The following CSMD1 variants were observed in gnomAD, a reference collection of about 807,000 sequenced individuals.
CSMD1 encodes the protein CUB and Sushi multiple domains 1.
CSMD1 carries 213 observed loss-of-function variants against 417.5 expected under a neutral mutation model. The observed-to-expected ratio is 0.51, with a 90% confidence interval of 0.46 to 0.57. The LOEUF is 0.57. Among genes scored for constraint, CSMD1 ranks in the 20% least tolerant of loss-of-function variants. The probability of loss-of-function intolerance (pLI) is 0.00; values close to 1 mark genes in which losing one functional copy is unlikely to be tolerated. For missense variants in CSMD1, 6,923 were observed against 4,529.7 expected (o/e 1.53, Z -15.17); for synonymous variants, 2,862 against 1,736.8 (o/e 1.65, Z -16.11).
Position 3,919,910 on chromosome 8 carries a change from T to G in CSMD1, c.818+77993A>C, listed in dbSNP as rs545938325. Among the ~76,000 whole-genome samples the G allele has an allele frequency of 5.9e-5, 9 of 152,310 alleles. No homozygotes were observed. In the South Asian group the frequency reaches 6.2e-4, roughly 11 times the overall value. On this transcript the variant is annotated intron_variant, in intron 5 of 69. Coordinates refer to ENST00000635120, the MANE Select transcript of CSMD1 (RefSeq NM_033225.6). ...AATGACATTCAAAATGAGATTTTTT[T>G]GGGAATTTCTTTATCAGATAATTTG...
At chr8:4,079,374 C>A (rs886580834) in intron 3 of CSMD1, among the ~76,000 whole-genome samples, 1 of 152,160 alleles carries the variant, frequency 6.6e-6, no homozygotes, top group Non-Finnish European at 1.5e-5. Flanking sequence ...AATCTGTAAT[C>A]AGGCATTCTA....
At chr8:4,003,888 G>T (rs1417666771) in intron 4 of CSMD1, among the ~76,000 whole-genome samples, 1 of 151,948 alleles carries the variant, frequency 6.6e-6, no homozygotes, top group Non-Finnish European at 1.5e-5. Context: ...GTTTGTTTTT[G>T]TTCCTCTTTC....
intron 4 of CSMD1, among the ~76,000 whole-genome samples, chr8:4,019,070 G>C (rs1176088010): frequency 2.0e-5 from 3 of 152,164 alleles, no homozygotes; most frequent in South Asian, 2.1e-4. Flanking sequence ...TACTCCATTT[G>C]CTAGAAATTG....
At chr8:4,574,246 G>A (rs1440465078) in intron 2 of CSMD1, among the ~76,000 whole-genome samples, 2 of 152,174 alleles carry the variant, frequency 1.3e-5, no homozygotes, top group Non-Finnish European at 1.5e-5. Context: ...CCAGGGCCCT[G>A]GTGGTGTAGG....
At chr8:3,726,236 C>G (rs1379075719) in intron 6 of CSMD1, among the ~76,000 whole-genome samples, 1 of 152,176 alleles carries the variant, frequency 6.6e-6, no homozygotes, top group African/African-American at 2.4e-5. Context: ...ACTGTAAACC[C>G]ATGAGAGGCT....
chr8:3,491,453 A>G (rs1296281639), intron 11 of CSMD1, among the ~76,000 whole-genome samples: 1 of 152,232 alleles, frequency 6.6e-6, no homozygotes, highest in Non-Finnish European at 1.5e-5. Flanking sequence ...AAAGTTAGCT[A>G]GGACATTACT....
Position 4,541,036 on chromosome 8 carries a change from T to C in CSMD1, c.302+96306A>G, listed in dbSNP as rs1797358656. Among the ~76,000 whole-genome samples, 4 of 152,316 alleles carry C rather than the reference T, an allele frequency of 2.6e-5. No homozygotes were observed. The South Asian group carries it at 8.3e-4, about 32-fold the overall frequency. ...ATGCCTCATTTTACTTAGCAAAATG[T>C]TTCACAAACTCGATTGTTAGAAACT... On this transcript the variant is annotated intron_variant, in intron 2 of 69. Coordinates refer to ENST00000635120, the MANE Select transcript of CSMD1 (RefSeq NM_033225.6).
chr8:4,520,472 TG>T (rs1803382267), intron 2 of CSMD1, among the ~76,000 whole-genome samples: 1 of 152,102 alleles, frequency 6.6e-6, no homozygotes, highest in Admixed American at 6.6e-5. Context: ...TAATAAGACA[TG>T]GGAAGATGAA....
chr8:3,845,219 C>A (rs745356462), intron 5 of CSMD1, among the ~76,000 whole-genome samples: 3 of 152,164 alleles, frequency 2.0e-5, no homozygotes, highest in Non-Finnish European at 4.4e-5. Flanking sequence ...CATCTCCTAA[C>A]AATGGAGATA....
chr8:4,837,839 G>A (rs1005900286), intron 1 of CSMD1, among the ~76,000 whole-genome samples: 2 of 151,930 alleles, frequency 1.3e-5, no homozygotes. Context: ...GATATAGCAT[G>A]CCTATATCAA....
At chr8:4,959,782 T>G (rs1809358343) in intron 1 of CSMD1, among the ~76,000 whole-genome samples, 2 of 152,192 alleles carry the variant, frequency 1.3e-5, no homozygotes, top group Non-Finnish European at 2.9e-5. Flanking sequence ...TTCTGACTGT[T>G]GCTTATTTCT....
chr8:3,757,176 C>G (rs1797706413), intron 5 of CSMD1, among the ~76,000 whole-genome samples: 1 of 152,156 alleles, frequency 6.6e-6, no homozygotes, highest in African/African-American at 2.4e-5. Context: ...CCACCTACAC[C>G]CACATCCACT....
At chr8:4,695,596 C>A (rs902116574) in intron 1 of CSMD1, among the ~76,000 whole-genome samples, 14 of 152,088 alleles carry the variant, frequency 9.2e-5, no homozygotes, top group Admixed American at 2.6e-4. Context: ...CCCTATCCCC[C>A]CCACCACACA....
chr8:3,748,781 G>C (rs1025619954), intron 6 of CSMD1, among the ~76,000 whole-genome samples: 2 of 152,152 alleles, frequency 1.3e-5, no homozygotes, highest in African/African-American at 2.4e-5. Context: ...TTGGTATAAA[G>C]GTCTTCATTT....
intron 5 of CSMD1, among the ~76,000 whole-genome samples, chr8:3,877,205 G>T (rs2930345): frequency 6.6e-6 from 1 of 152,024 alleles, no homozygotes; most frequent in African/African-American, 2.4e-5. Context: ...AGTGGACACT[G>T]GGCTCAGCAC....
At chr8:4,364,498 G>C (rs573625091) in intron 3 of CSMD1, among the ~76,000 whole-genome samples, 24 of 152,156 alleles carry the variant, frequency 1.6e-4, no homozygotes, top group Admixed American at 1.0e-3. Flanking sequence ...CTTTCTAGAA[G>C]ACTCTACATT....
chr8:3,961,724 T>C (rs772111380), intron 5 of CSMD1, among the ~76,000 whole-genome samples: 14 of 152,202 alleles, frequency 9.2e-5, no homozygotes, highest in Non-Finnish European at 1.3e-4. Context: ...CATGGGAGCA[T>C]TTCCTGCGTA....
intron 6 of CSMD1, among the ~76,000 whole-genome samples, chr8:3,731,845 A>G (rs1272896398): frequency 6.6e-6 from 1 of 152,154 alleles, no homozygotes; most frequent in African/African-American, 2.4e-5. Flanking sequence ...GTGAGTTTCC[A>G]TCATTATCAC....
chr8:4,049,717 T>A (rs1798324462), intron 3 of CSMD1, among the ~76,000 whole-genome samples: 1 of 152,210 alleles, frequency 6.6e-6, no homozygotes, highest in African/African-American at 2.4e-5. Context: ...TTTAGACTAC[T>A]TTAAAAATTT....
Sources: allele counts gnomAD v4.1 joint callset (sites outside exome capture counted in the v4.1 genomes callset), GRCh38; gene constraint gnomAD v4.1.1; transcripts MANE v1.5; gene names NCBI Gene and HGNC (gene_info 2026-07-23, HGNC 2026-07-21).